CRLF2: variants seen among roughly 807,000 people sequenced by gnomAD.
CRLF2 encodes the protein cytokine receptor like factor 2, also known as cytokine receptor-like factor 2.
A neutral mutation model predicts 38.7 loss-of-function variants in CRLF2; 41 were observed. The observed-to-expected ratio is 1.06, with a 90% CI of 0.83 to 1.37. The LOEUF (loss-of-function observed/expected upper bound fraction) is 1.37. Ranked by LOEUF, CRLF2 falls within the 40% of genes most tolerant of loss-of-function variation. The probability of loss-of-function intolerance (pLI) is 0.00; values close to 1 mark genes in which losing one functional copy is unlikely to be tolerated. For missense variants in CRLF2, 377 were observed against 322.2 expected, an observed-to-expected ratio of 1.17 and a Z score of -1.30; for synonymous variants, 140 against 128.8, an observed-to-expected ratio of 1.09 and a Z score of -0.59.
At chrX:1,203,419 A>G (rs1329401924) in intron 3 of CRLF2, among the ~76,000 whole-genome samples, 1 of 151,874 alleles carries the variant, frequency 6.6e-6, no homozygotes, top group Non-Finnish European at 1.5e-5. Context: ...TGGCCCCCAG[A>G]AACATCTGTC....
At chrX:1,205,123 C>T (rs765883261) in intron 3 of CRLF2, among the ~76,000 whole-genome samples, 1 of 152,022 alleles carries the variant, frequency 6.6e-6, no homozygotes, top group Non-Finnish European at 1.5e-5. Context: ...CACCGCGCCC[C>T]GCCTTTAATT....
intron 3 of CRLF2, 62 bp from the exon 4 acceptor site, chrX:1,202,597 C>A: frequency 1.3e-6 from 2 of 1,599,938 alleles, no homozygotes; most frequent in Non-Finnish European, 1.7e-6. Flanking sequence ...GACAGGCTGA[C>A]CTCATCCCCT....
In CRLF2 at chrX:1,198,437, C is replaced by T. The variant is rs766318946; in HGVS notation, c.646+125G>A. ...CCCTCCCTCCCACCTCCCAGGAAGG[C>T]AGGACACCCTCCCTCCCACCTCGAA... is the stretch of plus-strand genomic sequence containing the variant. On this transcript the variant is annotated intron_variant, in intron 5 of 7. Coordinates refer to ENST00000400841, the MANE Select transcript of CRLF2 (RefSeq NM_022148.4). The T allele has an allele frequency of 5.5e-3, 3,535 of 648,138 alleles. 4 individuals carry two copies. Among genetic ancestry groups the T allele is most frequent in the African/African-American group, 7.6e-3 (401 of 52,788 alleles). 40.1% of individuals were successfully genotyped at this position (648,138 alleles called of 1,614,324 possible). A position where few individuals can be genotyped will look rare whatever the true frequency, so the allele number is the denominator to read the frequency against.
chrX:1,191,194 G>A (rs2086366846), intron 7 of CRLF2, 34 bp from the exon 8 acceptor site: 2 of 398,494 alleles, frequency 5.0e-6, no homozygotes, highest in African/African-American at 4.1e-5. Context: ...CAAACACAGT[G>A]GACACACCAC....
rs9698889 is a variant in CRLF2, at chrX:1,199,439, G to A, written c.484-715C>T. 7.9e-3 allele frequency among the ~76,000 whole-genome samples: 1,198 copies of A among 152,010 alleles called. 17 individuals are homozygous for A. Among genetic ancestry groups the A allele is most frequent in the African/African-American group, 0.028 (1,153 of 41,454 alleles). On this transcript the variant is annotated intron_variant, in intron 4 of 7. Transcript: ENST00000400841. ...TGTGCCTCAGCCTCCCGAGTAGCTC[G>A]GATTACAGGCACCACCATGCTTGGC...
intron 2 of CRLF2, among the ~76,000 whole-genome samples, 158 bp from the exon 3 acceptor site, chrX:1,206,757 C>T (rs1412534421): frequency 6.6e-6 from 1 of 151,874 alleles, no homozygotes; most frequent in Non-Finnish European, 1.5e-5. Flanking sequence ...ATTCTCCTGT[C>T]TCAGCCTCCT....
rs1286988377 is a variant in CRLF2, at chrX:1,192,819, CT to C, written c.852+398del. On this transcript the variant is annotated intron_variant, in intron 7 of 7. Transcript: ENST00000400841. Reference sequence around the variant, plus strand: ...CCCTCCTTCCTTCCCTTCCTTCCTTCTTTTTTTTTTTCTTGACAGAGTCTCA... The same window carrying C: ...CCCTCCTTCCTTCCCTTCCTTCCTTCTTTTTTTTTTCTTGACAGAGTCTCA... Among the ~76,000 whole-genome samples, 45 of 134,078 alleles carry C rather than the reference CT, an allele frequency of 3.4e-4. 1 individual carries two copies. The highest frequency in any genetic ancestry group is 7.3e-4 in the African/African-American group (27 of 36,794). 88.0% of individuals were successfully genotyped at this position (134,078 alleles called of 152,430 possible). A position where few individuals can be genotyped will look rare whatever the true frequency, so the allele number is the denominator to read the frequency against.
intron 6 of CRLF2, among the ~76,000 whole-genome samples, chrX:1,195,996 ATATATATAAT>A (rs2086468639): frequency 7.1e-6 from 1 of 141,686 alleles, no homozygotes; most frequent in Admixed American, 7.6e-5. Flanking sequence ...TTATATATTT[ATATATATAAT>A]TATATATAAA....
At chrX:1,194,263 C>T (rs1343810115) in intron 6 of CRLF2, among the ~76,000 whole-genome samples, 3 of 151,806 alleles carry the variant, frequency 2.0e-5, no homozygotes, top group African/African-American at 7.3e-5. Flanking sequence ...GCTCTCCAGC[C>T]TGGGCAACAG....
At chrX:1,191,536 T>A (rs2086380930) in intron 7 of CRLF2, among the ~76,000 whole-genome samples, 3 of 106,034 alleles carry the variant, frequency 2.8e-5, no homozygotes, top group East Asian at 2.0e-4. Flanking sequence ...CAAAAATAAA[T>A]TTTTTTTTTT....
In CRLF2 at chrX:1,196,909, A is replaced by G; in HGVS notation, c.647-9T>C. 4 of 1,611,392 alleles carry G rather than the reference A, an allele frequency of 2.5e-6. No individual in the cohort carries two copies. The highest frequency in any genetic ancestry group is 3.4e-6 in the Non-Finnish European group (4 of 1,178,752). ...TGTCTCTGCACAGGCATCTGAAACA[A>G]AATGAAAAGGCGGCTGTCAGTTTTC... is the stretch of plus-strand genomic sequence containing the variant. On this transcript the variant is annotated splice_polypyrimidine_tract_variant and intron_variant, in intron 5 of 7. Coordinates refer to ENST00000400841, the MANE Select transcript of CRLF2 (RefSeq NM_022148.4).
chrX:1,209,700 T>C (rs1226363099), intron 1 of CRLF2, among the ~76,000 whole-genome samples: 1 of 152,054 alleles, frequency 6.6e-6, no homozygotes, highest in East Asian at 1.9e-4. Context: ...TCTGTATAGA[T>C]CAATCATGTA....
At chrX:1,194,771 C>T (rs1323827140) in intron 6 of CRLF2, among the ~76,000 whole-genome samples, 1 of 152,096 alleles carries the variant, frequency 6.6e-6, no homozygotes, top group Non-Finnish European at 1.5e-5. Context: ...GTGGCTCACG[C>T]CTGTCATCCC....
At chrX:1,191,308 TC>T (rs1317874524) in intron 7 of CRLF2, 148 bp from the exon 8 acceptor site, 1 of 354,492 alleles carries the variant, frequency 2.8e-6, no homozygotes, top group East Asian at 3.9e-5. Context: ...TTTCTTTCTT[TC>T]TTTCTTTCTT....
chrX:1,207,292 G>A (rs1460806183), intron 2 of CRLF2, among the ~76,000 whole-genome samples: 1 of 149,684 alleles, frequency 6.7e-6, no homozygotes, highest in East Asian at 2.0e-4. Flanking sequence ...TTTTGTTCTT[G>A]TTGCCCAGGC....
intron 3 of CRLF2, 81 bp from the exon 4 acceptor site, chrX:1,202,616 C>A: frequency 6.6e-7 from 1 of 1,524,280 alleles, no homozygotes; most frequent in East Asian, 2.3e-5. Flanking sequence ...CTTTCTCTAG[C>A]CTGTACCCCT....
In CRLF2 at chrX:1,209,299, G is replaced by T. The variant is rs1175155988; in HGVS notation, c.80-391C>A. ...TTGCATTGTATTGCATTGTATTGTA[G>T]TGTAGTGTAGTGTAGTGTAGTGTAG... On this transcript the variant is annotated intron_variant, in intron 1 of 7. Transcript: ENST00000400841. Among the ~76,000 whole-genome samples the T allele has an allele frequency of 7.9e-3, 515 of 65,030 alleles. 8 individuals are homozygous for T. Among genetic ancestry groups the T allele is most frequent in the African/African-American group, 0.017 (166 of 9,988 alleles). The allele number at this position is 65,030 out of a possible 152,430, so 42.7% of individuals were successfully genotyped here. A position where few individuals can be genotyped will look rare whatever the true frequency, so the allele number is the denominator to read the frequency against.
At chrX:1,199,928 A>ATGTGTGTTG (rs2086569388) in intron 4 of CRLF2, among the ~76,000 whole-genome samples, 21 of 150,588 alleles carry the variant, frequency 1.4e-4, no homozygotes, top group African/African-American at 4.4e-4. Context: ...TAAGCTGTGT[A>ATGTGTGTTG]TGTAAGGTGT....
intron 1 of CRLF2, among the ~76,000 whole-genome samples, chrX:1,210,557 A>G (rs1435442219): frequency 1.3e-5 from 2 of 151,952 alleles, no homozygotes; most frequent in East Asian, 1.9e-4. Context: ...TGATCCGCCC[A>G]CCTCGGCCTC....
Sources: allele counts gnomAD v4.1 joint callset (sites outside exome capture counted in the v4.1 genomes callset), GRCh38; gene constraint gnomAD v4.1.1; transcripts MANE v1.5; gene names NCBI Gene and HGNC (gene_info 2026-07-23, HGNC 2026-07-21).